MLXIP: variants seen among roughly 807,000 people sequenced by gnomAD.
The protein encoded by MLXIP is MLX interacting protein.
MLXIP carries 30 observed loss-of-function variants against 87.2 expected under a neutral mutation model. The observed-to-expected ratio is 0.34, with a 90% confidence interval of 0.26 to 0.47. The LOEUF is 0.47. Among genes scored for constraint, MLXIP ranks in the 20% least tolerant of loss-of-function variants. The probability of loss-of-function intolerance (pLI) is 1.00; values close to 1 mark genes in which losing one functional copy is unlikely to be tolerated. For missense variants in MLXIP, 1,002 were observed against 1,240.1 expected, an observed-to-expected ratio of 0.81 and a Z score of 2.88; for synonymous variants, 530 against 514.0, an observed-to-expected ratio of 1.03 and a Z score of -0.42.
At chr12:122,095,640 A>G (rs1480930638) in intron 1 of MLXIP, among the ~76,000 whole-genome samples, 1 of 151,540 alleles carries the variant, frequency 6.6e-6, no homozygotes, top group Non-Finnish European at 1.5e-5. Context: ...TGTTCATAGT[A>G]TAGTTTTTTT....
intron 1 of MLXIP, among the ~76,000 whole-genome samples, chr12:122,121,634 G>A (rs892445745): frequency 4.6e-5 from 7 of 152,024 alleles, no homozygotes; most frequent in South Asian, 2.1e-4. Context: ...CAGCCAGACC[G>A]AACAGAATTA....
Position 122,127,385 on chromosome 12 carries a change from G to A in MLXIP, c.520+23G>A, listed in dbSNP as rs375275235. 4.6e-4 allele frequency: 711 copies of A among 1,555,672 alleles called. 7 individuals are homozygous for A. The South Asian group carries it at 7.0e-3, about 15-fold the overall frequency. On this transcript the variant is annotated intron_variant, in intron 2 of 16. Coordinates refer to ENST00000319080, the MANE Select transcript of MLXIP (RefSeq NM_014938.6). ...AGTGTAAGTGCCGCCCAGCCTGGGC[G>A]CCGGTGGTGGTCAGAACTTCACGGC... is the stretch of plus-strand genomic sequence containing the variant.
chr12:122,111,053 G>A (rs1489766870), intron 1 of MLXIP, among the ~76,000 whole-genome samples: 5 of 149,530 alleles, frequency 3.3e-5, no homozygotes, highest in African/African-American at 1.2e-4. Context: ...CTCCAGCCTG[G>A]GTGACAGAGC....
In MLXIP at chr12:122,103,199, G is replaced by T. The variant is rs796166082; in HGVS notation, c.413+23933G>T. ...TATATGTATGTATGTATGTATGTAT[G>T]TATTTATTTATTTATTTATTTATTT... On this transcript the variant is annotated intron_variant, in intron 1 of 16. Transcript: ENST00000319080. Among the ~76,000 whole-genome samples the T allele has an allele frequency of 3.4e-3, 316 of 93,804 alleles. 1 individual carries two copies. The highest frequency in any genetic ancestry group is 0.01 in the East Asian group (25 of 2,382). The allele number at this position is 93,804 out of a possible 152,430, so 61.5% of individuals were successfully genotyped here. A position where few individuals can be genotyped will look rare whatever the true frequency, so the allele number is the denominator to read the frequency against.
chr12:122,130,614 G>T (rs1448620680), intron 6 of MLXIP, among the ~76,000 whole-genome samples: 3 of 151,538 alleles, frequency 2.0e-5, no homozygotes, highest in Admixed American at 6.6e-5. Flanking sequence ...ACAGCTTCCT[G>T]GGGTGTCCAT....
intron 1 of MLXIP, among the ~76,000 whole-genome samples, chr12:122,114,693 G>A (rs1333371853): frequency 6.6e-6 from 1 of 150,760 alleles, no homozygotes; most frequent in Admixed American, 6.6e-5. Context: ...TCACCTCCCA[G>A]CAGCCCAGGG....
rs187764381 is a variant in MLXIP, at chr12:122,120,321, C to T, written c.414-6935C>T. ...CACTGCAGCCTTGACCTCCTGGGCT[C>T]GAGCAATCCTCCCATCTCAGTCTTC... On this transcript the variant is annotated intron_variant, in intron 1 of 16. Transcript: ENST00000319080. Among the ~76,000 whole-genome samples the T allele has an allele frequency of 8.5e-5, 13 of 152,156 alleles. No individual in the cohort carries two copies. In the East Asian group the frequency reaches 2.3e-3, roughly 27 times the overall value.
chr12:122,130,950 G>A lies in MLXIP; in HGVS notation c.1000+17G>A, dbSNP rs749961143. The A allele has an allele frequency of 1.3e-6, 2 of 1,573,116 alleles. No individual in the cohort carries two copies. Among genetic ancestry groups the A allele is most frequent in the Non-Finnish European group, 8.8e-7 (1 of 1,142,608 alleles). On this transcript the variant is annotated intron_variant, in intron 7 of 16. Transcript: ENST00000319080. ...CTTTCCAGGGTGAGGACCAGAGGCA[G>A]AGAGAGCACGGTTGCCTCCATCTCC...
chr12:122,139,267 C>G (rs922078030), intron 15 of MLXIP, among the ~76,000 whole-genome samples: 8 of 152,230 alleles, frequency 5.3e-5, no homozygotes, highest in African/African-American at 1.9e-4. Flanking sequence ...TTCCACACAG[C>G]CTGGCAGCCA....
chr12:122,131,912 CTTTTTTTTTTTTTTTT>C (rs60691591), intron 7 of MLXIP, among the ~76,000 whole-genome samples: 1 of 73,942 alleles, frequency 1.4e-5, no homozygotes, highest in African/African-American at 5.9e-5. Context: ...TGGTTGGCAC[CTTTTTTTTTTTTTTTT>C]TTTTTTTTTT....
In MLXIP at chr12:122,093,712, TGGG is replaced by T. The variant is rs1212276624; in HGVS notation, c.413+14450_413+14452del. 4.9e-5 allele frequency among the ~76,000 whole-genome samples: 6 copies of T among 123,322 alleles called. No homozygotes were observed. In the South Asian group the frequency reaches 1.4e-3, roughly 28 times the overall value. 80.9% of individuals were successfully genotyped at this position (123,322 alleles called of 152,430 possible). ...TGTTGGTGTGTGGGGTGTGTTGGTG[TGGG>T]GGGTGTGTTTGCGGTGCCTGTGTGG... is the stretch of plus-strand genomic sequence containing the variant. On this transcript the variant is annotated intron_variant, in intron 1 of 16. Coordinates refer to ENST00000319080, the MANE Select transcript of MLXIP (RefSeq NM_014938.6).
intron 1 of MLXIP, among the ~76,000 whole-genome samples, chr12:122,117,358 C>T (rs1288343024): frequency 3.3e-5 from 5 of 152,248 alleles, no homozygotes; most frequent in African/African-American, 4.8e-5. Context: ...GGCAGTGGCC[C>T]CTCCCGCGTG....
Position 122,141,903 on chromosome 12 carries a change from T to C in MLXIP, c.*91T>C. On this transcript the variant is annotated 3_prime_UTR_variant, in exon 17 of 17. Coordinates refer to ENST00000319080, the MANE Select transcript of MLXIP (RefSeq NM_014938.6). Reference sequence around the variant, plus strand: ...TGCGCCCCCCAGCCCTTCCTGACGCTCAGCCTCGGGGCCTCTCTCCAACTC... The same window carrying C: ...TGCGCCCCCCAGCCCTTCCTGACGCCCAGCCTCGGGGCCTCTCTCCAACTC... The C allele has an allele frequency of 6.4e-7, 1 of 1,551,718 alleles. No homozygotes were observed. Among genetic ancestry groups the C allele is most frequent in the Non-Finnish European group, 8.7e-7 (1 of 1,149,124 alleles).
chr12:122,135,614 C>A lies in MLXIP; in HGVS notation c.1980C>A (p.Gly660=). ...CAGCGCAAGACCCCCTGGGGAAGGG[C>A]GAGCAGGTCCCGCTGCATGGGGGCA... ...PSTAQDPLGK[G]EQVPLHGGSP... is the part of the protein sequence containing the mutation. The change falls in exon 11 of 17, where the codon GGC becomes GGA. Residue 660 remains glycine (G), a synonymous_variant. Coordinates refer to ENST00000319080, the MANE Select transcript of MLXIP (RefSeq NM_014938.6). The surrounding 1 kb of genome is among the most constrained non-coding windows in gnomAD (Gnocchi z 5.3). 2 of 1,570,256 alleles carry A rather than the reference C, an allele frequency of 1.3e-6. No individual in the cohort carries two copies. Among genetic ancestry groups the A allele is most frequent in the East Asian group, 2.3e-5 (1 of 43,188 alleles).
chr12:122,127,183 C>G (rs768795588), intron 1 of MLXIP, 73 bp from the exon 2 acceptor site: 2 of 1,186,628 alleles, frequency 1.7e-6, no homozygotes, highest in African/African-American at 1.5e-5. Context: ...CTGGAATGAT[C>G]GGGTGGCACT....
Position 122,127,821 on chromosome 12 carries a change from C to T in MLXIP, c.521-62C>T. ...TGCCCTAGGGGAGGGGTGCAGCAGA[C>T]AGGCTGGGGCTCCCTCAGGGGTCTG... On this transcript the variant is annotated intron_variant, in intron 2 of 16. Transcript: ENST00000319080. The T allele has an allele frequency of 2.9e-6, 4 of 1,380,676 alleles. No individual in the cohort carries two copies. In the South Asian group the frequency reaches 4.6e-5, roughly 16 times the overall value. 85.5% of individuals were successfully genotyped at this position (1,380,676 alleles called of 1,614,324 possible). A position where few individuals can be genotyped will look rare whatever the true frequency, so the allele number is the denominator to read the frequency against.
At position 122,140,951 on chromosome 12, in the gene MLXIP, C is replaced by T. The variant is rs767348817; in HGVS notation, c.2509-3C>T. Reference sequence around the variant, plus strand: ...TTGCCTTTTCTTTAACCACACACTGCAGTTCAGCATCATCATCAAGCCGCT... The same window carrying T: ...TTGCCTTTTCTTTAACCACACACTGTAGTTCAGCATCATCATCAAGCCGCT... On this transcript the variant is annotated splice_polypyrimidine_tract_variant and splice_region_variant and intron_variant, in intron 15 of 16. Coordinates refer to ENST00000319080, the MANE Select transcript of MLXIP (RefSeq NM_014938.6). 1 of 1,614,022 alleles carries T rather than the reference C, an allele frequency of 6.2e-7. No individual in the cohort carries two copies. The highest frequency in any genetic ancestry group is 1.7e-5 in the Admixed American group (1 of 60,028).
At chr12:122,094,472 GGT>G (rs1369871927) in intron 1 of MLXIP, among the ~76,000 whole-genome samples, 4 of 132,280 alleles carry the variant, frequency 3.0e-5, no homozygotes, top group African/African-American at 5.7e-5. Flanking sequence ...TGTGTGTGTT[GGT>G]GTGTGGGTGT....
chr12:122,094,997 G>A (rs1952328038), intron 1 of MLXIP, among the ~76,000 whole-genome samples: 1 of 108,162 alleles, frequency 9.2e-6, no homozygotes, highest in Non-Finnish European at 2.1e-5. Context: ...TGTGTGTGCG[G>A]TGTCTGTGTG....
Sources: gnomAD v4.1 joint callset for allele counts (sites outside exome capture counted in the v4.1 genomes callset) on GRCh38, gnomAD v4.1.1 for gene constraint, Gnocchi (gnomAD v3.1) non-coding constraint, MANE v1.5 for transcripts, NCBI Gene and HGNC (gene_info 2026-07-23, HGNC 2026-07-21) for gene names.